Variants in LRP2 observed in about 807,000 individuals in gnomAD.
The protein encoded by LRP2 is low-density lipoprotein receptor-related protein 2.
In LRP2, 172 loss-of-function variants were observed where a neutral mutation model predicts 531.0. The ratio of observed to expected loss-of-function variants is 0.32; its 90% CI spans 0.29 to 0.37. The LOEUF (loss-of-function observed/expected upper bound fraction) is 0.37, where lower values mean the gene tolerates loss of function less well. Ranked by LOEUF, LRP2 falls within the 10% of genes least tolerant of loss-of-function variation. LRP2 has a pLI of 1.00. For missense variants in LRP2, 5,167 were observed against 5,868.3 expected (o/e 0.88, Z 3.90); for synonymous variants, 1,992 against 2,027.6 (o/e 0.98, Z 0.47).
At chr2:169,229,687 C>G (rs1236117252) in intron 31 of LRP2, among the ~76,000 whole-genome samples, 1 of 152,194 alleles carries the variant, frequency 6.6e-6, no homozygotes, top group African/African-American at 2.4e-5. Context: ...AGAACCATCT[C>G]ATAATTCCCC....
At chr2:169,129,712 T>A (rs750025723) in intron 77 of LRP2, among the ~76,000 whole-genome samples, 7 of 152,182 alleles carry the variant, frequency 4.6e-5, no homozygotes, top group Non-Finnish European at 1.0e-4. Context: ...ACAGCAAGAT[T>A]ATACAACTAA....
chr2:169,196,733 C>G (rs1574121275), intron 46 of LRP2, among the ~76,000 whole-genome samples, 178 bp downstream of exon 46: 4 of 152,250 alleles, frequency 2.6e-5, no homozygotes, highest in Admixed American at 1.3e-4. Context: ...ACACAGTGCT[C>G]TCCACTAACA....
intron 71 of LRP2, among the ~76,000 whole-genome samples, chr2:169,141,726 C>T (rs1372473796): frequency 1.3e-5 from 2 of 152,212 alleles, no homozygotes; most frequent in Non-Finnish European, 1.5e-5. Context: ...AATCTATCCA[C>T]AGCATGGAAC....
chr2:169,136,015 G>A (rs1187895859), intron 76 of LRP2, among the ~76,000 whole-genome samples: 1 of 152,112 alleles, frequency 6.6e-6, no homozygotes, highest in East Asian at 1.9e-4. Flanking sequence ...GCAGGGCTAT[G>A]CCGAACCTCC....
At position 169,275,108 on chromosome 2, in the gene LRP2, G is replaced by T; in HGVS notation, c.1903C>A (p.Pro635Thr). ...LKANKFTETN[P>T]QVYYQASLRP... ...AGGGAAGCCTGGTAGTACACTTGTG[G>T]GTTGGTCTCTGTGAACTTGTTTGCC... Residue 635 changes from proline to threonine, a missense_variant, in exon 14 of 79, where the codon CCA becomes ACA. By Grantham distance (38) the Pro-to-Thr change is conservative. Around this residue, in one of 6 missense-constraint regions of LRP2, gnomAD observed 2,811 missense variants for 3,058.0 expected, o/e 0.92. Coordinates refer to ENST00000649046, the MANE Select transcript of LRP2 (RefSeq NM_004525.3). 1.2e-6 allele frequency: 2 copies of T among 1,613,786 alleles called. No homozygotes were observed. Among genetic ancestry groups the T allele is most frequent in the Non-Finnish European group, 1.7e-6 (2 of 1,179,870 alleles).
intron 3 of LRP2, among the ~76,000 whole-genome samples, chr2:169,316,237 A>T (rs180786693): frequency 2.2e-4 from 33 of 152,246 alleles, no homozygotes; most frequent in African/African-American, 7.7e-4. Context: ...CAAATTAGGC[A>T]GGAGTTGGTG....
intron 1 of LRP2, among the ~76,000 whole-genome samples, chr2:169,345,544 G>A (rs1685673092): frequency 6.6e-6 from 1 of 152,164 alleles, no homozygotes; most frequent in Admixed American, 6.6e-5. Context: ...TAGTGGGGGT[G>A]ATTGAACTGT....
At chr2:169,177,364 T>A (rs945692550) in intron 53 of LRP2, among the ~76,000 whole-genome samples, 1 of 152,218 alleles carries the variant, frequency 6.6e-6, no homozygotes, top group African/African-American at 2.4e-5. Flanking sequence ...CTTGACATTA[T>A]CTTCTAGAAG....
chr2:169,196,704 G>A (rs889635849), intron 46 of LRP2, among the ~76,000 whole-genome samples: 4 of 152,178 alleles, frequency 2.6e-5, no homozygotes, highest in African/African-American at 9.7e-5. Context: ...AGCAGCTTCC[G>A]TATCCTGATC....
intron 1 of LRP2, among the ~76,000 whole-genome samples, chr2:169,339,223 T>C (rs1299007470): frequency 6.6e-6 from 1 of 152,134 alleles, no homozygotes; most frequent in African/African-American, 2.4e-5. Flanking sequence ...CCTAATTATG[T>C]AGCTAATTCC....
In LRP2 at chr2:169,362,277, C is replaced by T. The variant is rs1476069384; in HGVS notation, c.79+44G>A. Reference sequence around the variant, plus strand: ...CCCGCGGACCCGACCCTGCCACAGCCGGGGAAGTGGGGGCTCCACGAGAGG... The same window carrying T: ...CCCGCGGACCCGACCCTGCCACAGCTGGGGAAGTGGGGGCTCCACGAGAGG... On this transcript the variant is annotated intron_variant, in intron 1 of 78. Transcript: ENST00000649046. The T allele has an allele frequency of 3.3e-6, 5 of 1,500,214 alleles. No individual in the cohort carries two copies. In the South Asian group the frequency reaches 6.0e-5, roughly 18 times the overall value. The allele number at this position is 1,500,214 out of a possible 1,614,324, so 92.9% of individuals were successfully genotyped here.
At chr2:169,132,178 A>C (rs536282088) in intron 77 of LRP2, among the ~76,000 whole-genome samples, 1 of 152,318 alleles carries the variant, frequency 6.6e-6, no homozygotes, top group African/African-American at 2.4e-5. Flanking sequence ...TGAAAGAATA[A>C]AGATGCATGC....
chr2:169,203,982 C>G lies in LRP2; in HGVS notation c.8005G>C (p.Gly2669Arg). 1 of 1,614,064 alleles carries G rather than the reference C, an allele frequency of 6.2e-7. No homozygotes were observed. The change falls in exon 42 of 79, where the codon GGT (glycine) becomes CGT (arginine). Residue 2669 changes from glycine to arginine, a missense_variant and splice_region_variant. Coordinates refer to ENST00000649046, the MANE Select transcript of LRP2 (RefSeq NM_004525.3). Reference protein sequence around the residue: ...NGGCSHICAPGPNGAECQCPH... With the variant: ...NGGCSHICAPRPNGAECQCPH... The stretch of plus-strand genomic sequence containing the variant: ...CTAATTTTCATGGTCAGTGCCTTAC[C>G]TGGTGCACAGATATGGCTGCAGCCC...
chr2:169,303,102 A>G lies in LRP2; in HGVS notation c.427+4179T>C, dbSNP rs115912059. On this transcript the variant is annotated intron_variant, in intron 4 of 78. Coordinates refer to ENST00000649046, the MANE Select transcript of LRP2 (RefSeq NM_004525.3). ...GAGAATAAAGAGAATAAATAAAACA[A>G]TATTAGTTATGAGTTCATCATTGAT... 4.1e-3 allele frequency among the ~76,000 whole-genome samples: 623 copies of G among 152,270 alleles called. 5 individuals are homozygous for G. Among genetic ancestry groups the G allele is most frequent in the African/African-American group, 0.014 (591 of 41,562 alleles).
intron 26 of LRP2, among the ~76,000 whole-genome samples, chr2:169,238,994 T>C (rs1040138375): frequency 6.6e-6 from 1 of 152,228 alleles, no homozygotes; most frequent in African/African-American, 2.4e-5. Flanking sequence ...GAACCCTTGA[T>C]GTAAGCCACA....
chr2:169,131,491 A>C (rs1685288037), intron 77 of LRP2, among the ~76,000 whole-genome samples: 2 of 152,224 alleles, frequency 1.3e-5, no homozygotes, highest in African/African-American at 4.8e-5. Context: ...AAGATTGTAT[A>C]AAATGGTAAA....
In LRP2 at chr2:169,206,704, G is replaced by A. The variant is rs1688402355; in HGVS notation, c.7016C>T (p.Ala2339Val). Residue 2339 changes from alanine to valine, a missense_variant, in exon 39 of 79, where the codon GCA (alanine) becomes GTA (valine). Transcript: ENST00000649046. ...FDKQVQPRSP[A>V]EVNNNPCLEN... The stretch of plus-strand genomic sequence containing the variant: ...CAAGCAAGGGTTGTTGTTGACCTCT[G>A]CTGGTGACCGGGGCTGGACTTGCTT... 6.2e-7 allele frequency: 1 copy of A among 1,614,140 alleles called. No homozygotes were observed. Among genetic ancestry groups the A allele is most frequent in the African/African-American group, 1.3e-5 (1 of 75,034 alleles).
intron 30 of LRP2, among the ~76,000 whole-genome samples, chr2:169,232,967 C>G (rs1384681733): frequency 6.6e-6 from 1 of 152,196 alleles, no homozygotes; most frequent in East Asian, 1.9e-4. Flanking sequence ...CACCTAGACA[C>G]CCATACCATG....
At chr2:169,132,824 C>T in intron 76 of LRP2, 143 bp from the exon 77 acceptor site, 3 of 677,870 alleles carry the variant, frequency 4.4e-6, no homozygotes, top group Admixed American at 2.0e-5. Context: ...TATTGCATGA[C>T]CCAGTAGGCC....
Sources: allele counts gnomAD v4.1 joint callset (sites outside exome capture counted in the v4.1 genomes callset), GRCh38; gene constraint gnomAD v4.1.1; regional missense constraint gnomAD v4.1.1; transcripts MANE v1.5; gene names NCBI Gene and HGNC (gene_info 2026-07-23, HGNC 2026-07-21).